The following HIP1R variants were observed in gnomAD, a reference collection of about 807,000 sequenced individuals.
The protein encoded by HIP1R is huntingtin-interacting protein 1-related protein.
In HIP1R, 135 loss-of-function variants were observed where a neutral mutation model predicts 144.2. The observed-to-expected ratio is 0.94, with a 90% CI of 0.81 to 1.08. The LOEUF (loss-of-function observed/expected upper bound fraction) is 1.08, where lower values mean the gene tolerates loss of function less well. Among genes scored for constraint, HIP1R ranks in the 50% least tolerant of loss-of-function variants. The pLI, the probability that HIP1R is intolerant of heterozygous loss-of-function variation, is 0.00. For synonymous variants in HIP1R, 698 were observed against 612.8 expected, an observed-to-expected ratio of 1.14 and a Z score of -2.05; for missense variants, 1,462 against 1,432.8, an observed-to-expected ratio of 1.02 and a Z score of -0.33.
At chr12:122,854,762 C>T (rs1364017589) in intron 8 of HIP1R, 143 bp from the exon 9 acceptor site, 20 of 780,982 alleles carry the variant, frequency 2.6e-5, no homozygotes, top group Non-Finnish European at 3.4e-5. Flanking sequence ...ACAGGTCTCC[C>T]CATCCCGATG....
At position 122,860,206 on chromosome 12, in the gene HIP1R, G is replaced by T; in HGVS notation, c.2555G>T (p.Gly852Val). 1 of 1,560,016 alleles carries T rather than the reference G, an allele frequency of 6.4e-7. No homozygotes were observed. Residue 852 changes from glycine to valine, a missense_variant, in exon 26 of 32, where the codon GGC (glycine) becomes GTC (valine). Physicochemically the swap from Gly to Val is moderately radical, Grantham distance 109. This residue lies in a region of HIP1R where 1,112 missense variants were observed against 1,011.7 expected (regional missense o/e 1.10). Coordinates refer to ENST00000253083, the MANE Select transcript of HIP1R (RefSeq NM_003959.3). ...TSLQKEIVES[G>V]RGAATQQEFY... Reference sequence around the variant, plus strand: ...CTGCAGAAGGAGATCGTGGAGAGCGGCAGGGTGAGGGGCCGGCGGCAGCAG... The same window carrying T: ...CTGCAGAAGGAGATCGTGGAGAGCGTCAGGGTGAGGGGCCGGCGGCAGCAG...
rs1285408994 is a variant in HIP1R, at chr12:122,835,699, CG to C, written c.93+57del. The C allele has an allele frequency of 9.6e-6, 10 of 1,038,792 alleles. No homozygotes were observed. The African/African-American group carries it at 1.5e-4, about 16-fold the overall frequency. 64.3% of individuals were successfully genotyped at this position (1,038,792 alleles called of 1,614,324 possible). ...CGGCGGCGGGCGGGCGGGCAAGCGG[CG>C]TCCCTGACCCCTCACGCGCGAACGG... On this transcript the variant is annotated intron_variant, in intron 1 of 31. Transcript: ENST00000253083.
At position 122,861,357 on chromosome 12, in the gene HIP1R, T is replaced by TG; in HGVS notation, c.3007dup (p.Glu1003GlyfsTer53). On this transcript the variant is annotated frameshift_variant, in exon 31 of 32. Coordinates refer to ENST00000253083, the MANE Select transcript of HIP1R (RefSeq NM_003959.3). LOFTEE classifies it high-confidence loss of function. ...ACGCTGGAGGCTGAACGCATGCGGC[T>TG]GGGGGAGTTGCGGAAGCAACACTAC... The TG allele has an allele frequency of 6.2e-7, 1 of 1,613,606 alleles. No individual in the cohort carries two copies. Among genetic ancestry groups the TG allele is most frequent in the South Asian group, 1.1e-5 (1 of 91,070 alleles).
intron 12 of HIP1R, 26 bp downstream of exon 12, chr12:122,855,638 C>T (rs1031040359): frequency 9.0e-6 from 14 of 1,549,198 alleles, no homozygotes; most frequent in Admixed American, 3.9e-5. Flanking sequence ...GCCGACTGGG[C>T]TGGGGGTGGT....
chr12:122,848,081 G>A lies in HIP1R; in HGVS notation c.144G>A (p.Glu48=). 1 of 1,613,588 alleles carries A rather than the reference G, an allele frequency of 6.2e-7. No homozygotes were observed. The highest frequency in any genetic ancestry group is 8.5e-7 in the Non-Finnish European group (1 of 1,179,968). ...ACACCCAGGAGGCCCCCGTGAAGGA[G>A]AAGCACGCCCGGCGTATCCTTGGCC... is the stretch of plus-strand genomic sequence containing the variant. ...AINTQEAPVK[E]KHARRIILGT... Residue 48 remains glutamate (E), a synonymous_variant, in exon 2 of 32, where the codon GAG becomes GAA. Transcript: ENST00000253083.
chr12:122,844,562 A>AT (rs2033156450), intron 1 of HIP1R, among the ~76,000 whole-genome samples: 1 of 152,166 alleles, frequency 6.6e-6, no homozygotes, highest in African/African-American at 2.4e-5. Context: ...TTATCACTGC[A>AT]TCCCCTGCAG....
At chr12:122,837,557 G>A (rs1344202407) in intron 1 of HIP1R, among the ~76,000 whole-genome samples, 1 of 152,168 alleles carries the variant, frequency 6.6e-6, no homozygotes, top group Non-Finnish European at 1.5e-5. Flanking sequence ...GACCTCAGGC[G>A]ATCCACCCGC....
chr12:122,858,968 G>C (rs1306653370), intron 21 of HIP1R, 23 bp downstream of exon 21: 4 of 1,611,966 alleles, frequency 2.5e-6, no homozygotes, highest in African/African-American at 1.3e-5. Context: ...TGGGATGGCA[G>C]GTTCTGTCCA....
rs1190911874 is a variant in HIP1R, at chr12:122,855,086, G to T, written c.810G>T (p.Met270Ile). The T allele has an allele frequency of 6.2e-7, 1 of 1,613,846 alleles. No individual in the cohort carries two copies. The highest frequency in any genetic ancestry group is 1.1e-5 in the South Asian group (1 of 91,086). The change falls in exon 10 of 32, where the codon ATG becomes ATT. Residue 270 changes from methionine to isoleucine, a missense_variant. By Grantham distance (10) the Met-to-Ile change is conservative. Around this residue, in one of 2 missense-constraint regions of HIP1R, gnomAD observed 350 missense variants for 421.1 expected, o/e 0.83. Transcript: ENST00000253083. The stretch of plus-strand genomic sequence containing the variant: ...ACTTCTTCCGCAGAGCCTCCGACAT[G>T]CTGTACTTCAAGCGGCTCATCCAGA... ...LRNFFRRASD[M>I]LYFKRLIQIP...
intron 18 of HIP1R, 85 bp downstream of exon 18, chr12:122,857,300 A>G: frequency 4.7e-6 from 6 of 1,279,222 alleles, no homozygotes; most frequent in South Asian, 1.3e-5. Flanking sequence ...TGCCTGTTCT[A>G]GAGATTTCAT....
rs1233776522 is a variant in HIP1R, at chr12:122,857,188, C to T, written c.1788C>T (p.Gly596=). The part of the protein sequence containing the change: ...REQQRSSQEQ[G]ELQGRLAERE... ...AGCAGCGCAGCTCCCAGGAGCAGGG[C>T]GAGTTGCAGGGCCGGCTGGCAGAGA... Residue 596 remains glycine, a synonymous_variant, in exon 18 of 32, where the codon GGC becomes GGT. Transcript: ENST00000253083. 7 of 1,550,298 alleles carry T rather than the reference C, an allele frequency of 4.5e-6. No homozygotes were observed. Among genetic ancestry groups the T allele is most frequent in the Non-Finnish European group, 6.1e-6 (7 of 1,146,866 alleles).
chr12:122,856,532 G>T lies in HIP1R; in HGVS notation c.1502G>T (p.Arg501Leu). The T allele has an allele frequency of 6.3e-7, 1 of 1,599,626 alleles. No individual in the cohort carries two copies. Among genetic ancestry groups the T allele is most frequent in the Admixed American group, 1.7e-5 (1 of 57,520 alleles). The change falls in exon 16 of 32, where the codon CGG becomes CTG. Residue 501 changes from arginine (R) to leucine (L), a missense_variant. Coordinates refer to ENST00000253083, the MANE Select transcript of HIP1R (RefSeq NM_003959.3). ...QLAFQVEQVK[R>L]ESELKLEEKS... ...GCCTTCCAGGTGGAGCAGGTGAAGC[G>T]GGAGTCGGAGTTGAAGGTATGTCCC...
rs375003467 is a variant in HIP1R at position 122,859,816 on chromosome 12, G to A, written c.2451G>A (p.Leu817=). The change falls in exon 24 of 32, where the codon CTG becomes CTA. Residue 817 remains leucine, a synonymous_variant. Transcript: ENST00000253083. ...GCCACGCCAGCTCGGGGGTGAAGCT[G>A]GAGGTGAACGAGAGGTGAGCCCCCC... The part of the protein sequence containing the change: ...QARHASSGVK[L]EVNERILNSC... 9.3e-6 allele frequency: 15 copies of A among 1,612,642 alleles called. No individual in the cohort carries two copies. The highest frequency in any genetic ancestry group is 2.7e-5 in the African/African-American group (2 of 74,920).
At position 122,845,318 on chromosome 12, in the gene HIP1R, C is replaced by T. The variant is rs73421661; in HGVS notation, c.94-2713C>T. On this transcript the variant is annotated intron_variant, in intron 1 of 31. Transcript: ENST00000253083. ...GGAGCAGCCACAGACTCCCACTGTG[C>T]GAGCACTGTGCCTCCTTGTGTGGCG... Among the ~76,000 whole-genome samples the T allele has an allele frequency of 4.8e-3, 730 of 152,348 alleles. 8 individuals carry two copies. Among genetic ancestry groups the T allele is most frequent in the African/African-American group, 0.016 (679 of 41,570 alleles).
chr12:122,838,469 T>C (rs1167240592), intron 1 of HIP1R, among the ~76,000 whole-genome samples: 1 of 152,136 alleles, frequency 6.6e-6, no homozygotes, highest in Non-Finnish European at 1.5e-5. Flanking sequence ...GGGTGTGGTA[T>C]CATAAAGGCA....
Position 122,856,681 on chromosome 12 carries a change from CG to C in HIP1R, c.1577del (p.Gly526GlufsTer10). On this transcript the variant is annotated frameshift_variant, in exon 17 of 32. Coordinates refer to ENST00000253083, the MANE Select transcript of HIP1R (RefSeq NM_003959.3). LOFTEE classifies it high-confidence loss of function. Reference sequence around the variant, plus strand: ...TCAAGAGGGAGCTGGAGGCCAAGGCCGGAGAGCTGGCCCGCGCGCAGGAGGC... The same window carrying C: ...TCAAGAGGGAGCTGGAGGCCAAGGCCGAGAGCTGGCCCGCGCGCAGGAGGC... ...KLKRELEAKA[G>X]ELARAQEALS... The C allele has an allele frequency of 1.9e-6, 3 of 1,600,128 alleles. No homozygotes were observed. Among genetic ancestry groups the C allele is most frequent in the Non-Finnish European group, 2.6e-6 (3 of 1,173,892 alleles).
rs748818973 is a variant in HIP1R, at chr12:122,858,386, C to G, written c.2001C>G (p.Ala667=). 1 of 1,611,102 alleles carries G rather than the reference C, an allele frequency of 6.2e-7. No homozygotes were observed. The highest frequency in any genetic ancestry group is 1.3e-5 in the African/African-American group (1 of 75,032). ...LVSRAQEALD[A]VSTLEEGHAQ... is the part of the protein sequence containing the mutation. ...GCAGGGCCCAGGAGGCCTTGGATGC[C>G]GTGAGCACCCTGGAGGAGGGCCACG... The change falls in exon 20 of 32, where the codon GCC becomes GCG. Residue 667 remains alanine, a synonymous_variant. Transcript: ENST00000253083.
chr12:122,855,063 T>TGAGGC lies in HIP1R; in HGVS notation c.787_788insGAGGC (p.Phe263Ter). ...CCACCATCTCTGCAGCCTCAGGAAC[T>TGAGGC]TCTTCCGCAGAGCCTCCGACATGCT... On this transcript the variant is annotated stop_gained and frameshift_variant, in exon 10 of 32. Transcript: ENST00000253083. LOFTEE classifies it high-confidence loss of function. The TGAGGC allele has an allele frequency of 6.2e-7, 1 of 1,613,846 alleles. No individual in the cohort carries two copies. The highest frequency in any genetic ancestry group is 8.5e-7 in the Non-Finnish European group (1 of 1,179,972).
chr12:122,842,692 C>G (rs2033091521), intron 1 of HIP1R, among the ~76,000 whole-genome samples: 1 of 152,210 alleles, frequency 6.6e-6, no homozygotes, highest in Non-Finnish European at 1.5e-5. Context: ...GCTGACAGTG[C>G]CCATTCCTGC....
Sources: gnomAD v4.1 joint callset for allele counts (sites outside exome capture counted in the v4.1 genomes callset) on GRCh38, gnomAD v4.1.1 for gene constraint, gnomAD v4.1.1 regional missense constraint, MANE v1.5 for transcripts, NCBI Gene and HGNC (gene_info 2026-07-23, HGNC 2026-07-21) for gene names.